ME3: variants seen among roughly 807,000 people sequenced by gnomAD.
ME3 encodes the protein malic enzyme 3.
Under a neutral mutation model 68.9 loss-of-function variants are expected in ME3, and 48 were observed. The ratio of observed to expected loss-of-function variants is 0.70; its 90% CI spans 0.55 to 0.89. The LOEUF is 0.89. Among genes scored for constraint, ME3 ranks in the 40% least tolerant of loss-of-function variants. The probability of loss-of-function intolerance (pLI) is 0.00; values close to 1 mark genes in which losing one functional copy is unlikely to be tolerated. For missense variants in ME3, 675 were observed against 797.4 expected (o/e 0.85, Z 1.85); for synonymous variants, 320 against 318.8 (o/e 1.00, Z -0.04).
intron 2 of ME3, among the ~76,000 whole-genome samples, chr11:86,662,593 T>C (rs1449603276): frequency 6.6e-6 from 1 of 152,124 alleles, no homozygotes; most frequent in Non-Finnish European, 1.5e-5. Context: ...TAAGACCCTG[T>C]CTGTAAAAAA....
At chr11:86,564,576 A>G (rs1278866045) in intron 2 of ME3, among the ~76,000 whole-genome samples, 3 of 152,208 alleles carry the variant, frequency 2.0e-5, no homozygotes, top group African/African-American at 4.8e-5. Context: ...ATTTTTGACA[A>G]GGATTCCAAG....
chr11:86,497,629 C>T (rs1952440927), intron 6 of ME3, among the ~76,000 whole-genome samples: 2 of 152,100 alleles, frequency 1.3e-5, no homozygotes, highest in Admixed American at 1.3e-4. Flanking sequence ...GTGGTCACAC[C>T]CACCTCAAGG....
exon 2 of ME3, chr11:86,671,933 C>G (rs61739529): frequency 7.0e-7 from 1 of 1,430,940 alleles, no homozygotes; most frequent in Non-Finnish European, 9.1e-7. Flanking sequence ...CTGTCCCCAG[C>G]GCGGCACCCA....
At chr11:86,585,959 A>G (rs534106183) in intron 2 of ME3, among the ~76,000 whole-genome samples, 1 of 152,336 alleles carries the variant, frequency 6.6e-6, no homozygotes, top group African/African-American at 2.4e-5. Context: ...GAAAGGTCAA[A>G]TCATTAGGAT....
chr11:86,628,140 C>T (rs977171441), intron 2 of ME3, among the ~76,000 whole-genome samples: 3 of 152,198 alleles, frequency 2.0e-5, no homozygotes, highest in Admixed American at 1.3e-4. Flanking sequence ...AACTTATAAT[C>T]TATCTGGAGA....
intron 4 of ME3, among the ~76,000 whole-genome samples, chr11:86,509,781 G>A (rs1031992857): frequency 8.4e-5 from 12 of 143,060 alleles, no homozygotes; most frequent in African/African-American, 2.6e-4. Context: ...AAAAAGTACA[G>A]CTGGAATCTG....
chr11:86,558,392 G>A (rs1957036153), intron 3 of ME3, among the ~76,000 whole-genome samples: 1 of 152,110 alleles, frequency 6.6e-6, no homozygotes, highest in Admixed American at 6.5e-5. Flanking sequence ...GAGGATATTT[G>A]GCCTGACTAC....
chr11:86,617,445 A>T (rs374255978), intron 2 of ME3, among the ~76,000 whole-genome samples: 1 of 152,142 alleles, frequency 6.6e-6, no homozygotes, highest in Non-Finnish European at 1.5e-5. Context: ...ATGATAACTG[A>T]TGTGGGCTTT....
intron 6 of ME3, 94 bp downstream of exon 6, chr11:86,497,869 G>A: frequency 7.4e-7 from 1 of 1,351,062 alleles, no homozygotes; most frequent in Non-Finnish European, 1.0e-6. Context: ...ATGGCCCATT[G>A]CTGTGTAGAT....
intron 2 of ME3, among the ~76,000 whole-genome samples, chr11:86,603,742 A>G (rs1380555824): frequency 6.6e-6 from 1 of 152,066 alleles, no homozygotes; most frequent in East Asian, 1.9e-4. Flanking sequence ...TGGCACATAT[A>G]CACCATGGAA....
At chr11:86,521,431 A>AAAAAAAAAATAAT (rs1271326906) in intron 4 of ME3, among the ~76,000 whole-genome samples, 1 of 145,922 alleles carries the variant, frequency 6.9e-6, no homozygotes, top group South Asian at 2.2e-4. Flanking sequence ...AACAAAACAA[A>AAAAAAAAAATAAT]AATAATAATA....
chr11:86,551,406 T>TGTGTGTGTGCACCC (rs1956675680), intron 4 of ME3, among the ~76,000 whole-genome samples: 1 of 151,736 alleles, frequency 6.6e-6, no homozygotes, highest in Non-Finnish European at 1.5e-5. Context: ...AGTGTGAGAG[T>TGTGTGTGTGCACCC]GTGTGTGTGC....
At chr11:86,639,927 G>T (rs780670906) in intron 2 of ME3, among the ~76,000 whole-genome samples, 2 of 152,194 alleles carry the variant, frequency 1.3e-5, no homozygotes, top group Non-Finnish European at 2.9e-5. Context: ...ACAATTGAGT[G>T]AGCAGAGCTG....
chr11:86,470,473 T>C (rs967451471), intron 7 of ME3, among the ~76,000 whole-genome samples: 22 of 152,220 alleles, frequency 1.4e-4, no homozygotes, highest in African/African-American at 5.1e-4. Flanking sequence ...CATTAAACTC[T>C]AGTCCCTTGA....
At chr11:86,451,002 A>C (rs920449595) in intron 8 of ME3, among the ~76,000 whole-genome samples, 2 of 152,234 alleles carry the variant, frequency 1.3e-5, no homozygotes, top group African/African-American at 4.8e-5. Context: ...GGGATTCCTT[A>C]AGAGCAGCTG....
At chr11:86,583,588 A>G (rs142003642) in intron 2 of ME3, among the ~76,000 whole-genome samples, 96 of 152,264 alleles carry the variant, frequency 6.3e-4, no homozygotes, top group African/African-American at 2.2e-3. Context: ...AAATACTACA[A>G]AGCAGGTGCA....
intron 4 of ME3, among the ~76,000 whole-genome samples, chr11:86,525,528 AC>A (rs1448467183): frequency 1.3e-5 from 2 of 151,150 alleles, no homozygotes; most frequent in Admixed American, 1.3e-4. Flanking sequence ...AAAAAAAAAG[AC>A]CCACTATATT....
chr11:86,647,807 G>A (rs905904166), intron 2 of ME3, among the ~76,000 whole-genome samples: 1 of 152,082 alleles, frequency 6.6e-6, no homozygotes, highest in African/African-American at 2.4e-5. Flanking sequence ...CAATAATAGT[G>A]GGAGACTTTA....
intron 2 of ME3, among the ~76,000 whole-genome samples, chr11:86,572,017 A>G (rs909798420): frequency 1.3e-5 from 2 of 152,236 alleles, no homozygotes; most frequent in African/African-American, 4.8e-5. Flanking sequence ...AAAGTCAAGG[A>G]TGAGGAGACA....
Sources: gnomAD v4.1 joint callset for allele counts (sites outside exome capture counted in the v4.1 genomes callset) on GRCh38, gnomAD v4.1.1 for gene constraint, MANE v1.5 for transcripts, NCBI Gene and HGNC (gene_info 2026-07-23, HGNC 2026-07-21) for gene names.